SEMA6D: variants seen among roughly 807,000 people sequenced by gnomAD.
SEMA6D encodes semaphorin-6D.
A neutral mutation model predicts 106.6 loss-of-function variants in SEMA6D; 35 were observed. The ratio of observed to expected loss-of-function variants is 0.33; its 90% confidence interval spans 0.25 to 0.44. The LOEUF is 0.44. Among genes scored for constraint, SEMA6D ranks in the 20% least tolerant of loss-of-function variants. The pLI is 1.00. For missense variants in SEMA6D, 1,185 were observed against 1,345.9 expected, an observed-to-expected ratio of 0.88 and a Z score of 1.87; for synonymous variants, 499 against 487.7, an observed-to-expected ratio of 1.02 and a Z score of -0.31.
At chr15:47,366,434 C>T (rs755635846) in intron 1 of SEMA6D, among the ~76,000 whole-genome samples, 2 of 152,050 alleles carry the variant, frequency 1.3e-5, no homozygotes, top group African/African-American at 2.4e-5. Context: ...AGTAAGAGTT[C>T]GGAGATGAGG....
chr15:47,751,526 T>G (rs951095567), intron 1 of SEMA6D, among the ~76,000 whole-genome samples: 1 of 152,148 alleles, frequency 6.6e-6, no homozygotes, highest in Non-Finnish European at 1.5e-5. Context: ...GAGTGAATGG[T>G]GCTCTTTGTG....
rs1224586120 is a variant in SEMA6D, at chr15:47,772,351, T to TGC, written c.*567_*568insCG. 44 of 125,512 alleles carry TGC rather than the reference T, an allele frequency of 3.5e-4. No homozygotes were observed. Among genetic ancestry groups the TGC allele is most frequent in the Non-Finnish European group, 4.9e-4 (30 of 61,614 alleles). 7.8% of individuals were successfully genotyped at this position (125,512 alleles called of 1,614,324 possible). A position where few individuals can be genotyped will look rare whatever the true frequency, so the allele number is the denominator to read the frequency against. ...TCATGCCACCAACAAACTTGTTGTG[T>TGC]GTGTGCGTGTGTGTGTGTGTGTGTG... On this transcript the variant is annotated 3_prime_UTR_variant, in exon 19 of 19. Coordinates refer to ENST00000536845, the MANE Select transcript of SEMA6D (RefSeq NM_001358351.3).
intron 2 of SEMA6D, among the ~76,000 whole-genome samples, chr15:47,427,183 G>A (rs1389495228): frequency 1.3e-5 from 2 of 152,094 alleles, no homozygotes; most frequent in African/African-American, 4.8e-5. Flanking sequence ...TGGGGAGAAA[G>A]GAGGCACTGA....
At chr15:47,471,660 C>T (rs977769324) in intron 3 of SEMA6D, among the ~76,000 whole-genome samples, 6 of 152,076 alleles carry the variant, frequency 3.9e-5, no homozygotes, top group Non-Finnish European at 7.4e-5. Context: ...AGCAGCCTGG[C>T]AGATAAGCCC....
chr15:47,292,602 G>C (rs1349078249), intron 1 of SEMA6D, among the ~76,000 whole-genome samples: 1 of 152,108 alleles, frequency 6.6e-6, no homozygotes, highest in Non-Finnish European at 1.5e-5. Context: ...AGCTAGCTTG[G>C]TGCACACATG....
chr15:47,352,623 C>G (rs1009827419), intron 1 of SEMA6D, among the ~76,000 whole-genome samples: 3 of 152,180 alleles, frequency 2.0e-5, no homozygotes, highest in African/African-American at 7.2e-5. Flanking sequence ...ACTCCATCCT[C>G]AATTGTACAT....
At chr15:47,240,570 T>G (rs1238404720) in intron 1 of SEMA6D, among the ~76,000 whole-genome samples, 1 of 152,136 alleles carries the variant, frequency 6.6e-6, no homozygotes. Context: ...TTGTACATCG[T>G]GCATTGGGAT....
At chr15:47,708,550 G>C (rs1379349673) in intron 4 of SEMA6D, among the ~76,000 whole-genome samples, 1 of 152,136 alleles carries the variant, frequency 6.6e-6, no homozygotes, top group Non-Finnish European at 1.5e-5. Context: ...TGCTACATGT[G>C]ATGTTAACTC....
chr15:47,438,534 C>G (rs1018682141), intron 2 of SEMA6D, among the ~76,000 whole-genome samples: 13 of 152,160 alleles, frequency 8.5e-5, no homozygotes, highest in Non-Finnish European at 8.8e-5. Flanking sequence ...TCTCCCACCC[C>G]CTATTCACTA....
At chr15:47,486,155 A>G (rs765504142) in intron 3 of SEMA6D, among the ~76,000 whole-genome samples, 1 of 152,198 alleles carries the variant, frequency 6.6e-6, no homozygotes, top group Non-Finnish European at 1.5e-5. Context: ...AAAGCATTTT[A>G]AAAAAGTATA....
chr15:47,239,279 T>G (rs2032754741), intron 1 of SEMA6D, among the ~76,000 whole-genome samples: 1 of 152,166 alleles, frequency 6.6e-6, no homozygotes, highest in Non-Finnish European at 1.5e-5. Context: ...GAAAACAAGC[T>G]CAGAGCTCCC....
At chr15:47,513,993 A>G (rs2044311402) in intron 3 of SEMA6D, among the ~76,000 whole-genome samples, 1 of 152,180 alleles carries the variant, frequency 6.6e-6, no homozygotes, top group Admixed American at 6.5e-5. Flanking sequence ...CAGCTCCGCC[A>G]TAGAAACTGA....
intron 4 of SEMA6D, among the ~76,000 whole-genome samples, chr15:47,702,191 C>G (rs2078825940): frequency 6.6e-6 from 1 of 152,074 alleles, no homozygotes; most frequent in African/African-American, 2.4e-5. Context: ...CATTCCTTGC[C>G]CCTCAGAAAA....
At chr15:47,256,178 A>T (rs1484881378) in intron 1 of SEMA6D, among the ~76,000 whole-genome samples, 1 of 152,208 alleles carries the variant, frequency 6.6e-6, no homozygotes, top group East Asian at 1.9e-4. Context: ...TAGCTATTTT[A>T]GGGCTGGGGT....
chr15:47,745,402 G>T (rs2081072329), intron 1 of SEMA6D, among the ~76,000 whole-genome samples: 1 of 152,236 alleles, frequency 6.6e-6, no homozygotes, highest in Non-Finnish European at 1.5e-5. Flanking sequence ...GCGCAGCAAA[G>T]CTGGGGCACC....
chr15:47,447,652 A>T (rs1319627382), intron 2 of SEMA6D, among the ~76,000 whole-genome samples: 2 of 152,148 alleles, frequency 1.3e-5, no homozygotes, highest in African/African-American at 4.8e-5. Flanking sequence ...TATGCAATAA[A>T]CTGATAAATG....
At chr15:47,466,426 G>T (rs1484534555) in intron 2 of SEMA6D, among the ~76,000 whole-genome samples, 1 of 152,028 alleles carries the variant, frequency 6.6e-6, no homozygotes, top group African/African-American at 2.4e-5. Flanking sequence ...TCTGTGTTTG[G>T]CTTGTTTCAC....
chr15:47,554,417 A>G (rs1324569483), intron 3 of SEMA6D, among the ~76,000 whole-genome samples: 3 of 152,206 alleles, frequency 2.0e-5, no homozygotes. Context: ...TACAGACCCA[A>G]CGGTGGGCAA....
intron 1 of SEMA6D, among the ~76,000 whole-genome samples, chr15:47,739,134 T>C (rs2080636520): frequency 6.6e-6 from 1 of 152,178 alleles, no homozygotes; most frequent in Non-Finnish European, 1.5e-5. Context: ...CAAACACTCA[T>C]AGCCCAGATT....
Sources: allele counts gnomAD v4.1 joint callset (sites outside exome capture counted in the v4.1 genomes callset), GRCh38; gene constraint gnomAD v4.1.1; transcripts MANE v1.5; gene names NCBI Gene and HGNC (gene_info 2026-07-23, HGNC 2026-07-21).